The following AFAP1L2 variants were observed in gnomAD, a reference collection of about 807,000 sequenced individuals.
AFAP1L2 encodes the protein actin filament associated protein 1 like 2, also known as actin filament-associated protein 1-like 2.
Under a neutral mutation model 99.3 loss-of-function variants are expected in AFAP1L2, and 46 were observed. The observed-to-expected ratio is 0.46, with a 90% CI of 0.37 to 0.59. AFAP1L2 has a LOEUF of 0.59. Among genes scored for constraint, AFAP1L2 ranks in the 20% least tolerant of loss-of-function variants. AFAP1L2 has a pLI of 0.00. For missense variants in AFAP1L2, 959 were observed against 1,034.9 expected (o/e 0.93, Z 1.01); for synonymous variants, 397 against 419.1 (o/e 0.95, Z 0.64).
chr10:114,285,961 C>G, the AFAP1L2 span: 1 of 1,603,940 alleles, frequency 6.2e-7, no homozygotes, highest in Non-Finnish European at 8.5e-7. Context: ...GCCTGGAATG[C>G]AGGGTCGACC....
At chr10:114,333,134 G>T in intron 3 of AFAP1L2, 87 bp downstream of exon 3, 2 of 1,239,410 alleles carry the variant, frequency 1.6e-6, no homozygotes, top group Non-Finnish European at 1.2e-6. Context: ...CGGCTGGGAG[G>T]AAAGAGAGGT....
the AFAP1L2 span, among the ~76,000 whole-genome samples, chr10:114,285,460 T>C: frequency 6.6e-6 from 1 of 152,226 alleles, no homozygotes; most frequent in African/African-American, 2.4e-5. Context: ...AAGGGCTTGA[T>C]GAATAATAAC....
At chr10:114,301,145 A>ATAAG (rs1430763742) in intron 13 of AFAP1L2, among the ~76,000 whole-genome samples, 4 of 152,210 alleles carry the variant, frequency 2.6e-5, no homozygotes, top group Admixed American at 6.5e-5. Flanking sequence ...TTTCATCTAG[A>ATAAG]TAAGTCCCCA....
At chr10:114,373,864 C>T (rs912855396) in intron 1 of AFAP1L2, among the ~76,000 whole-genome samples, 6 of 152,104 alleles carry the variant, frequency 3.9e-5, no homozygotes, top group African/African-American at 7.2e-5. Flanking sequence ...CCCCTTATCC[C>T]CCAGGTAGCG....
chr10:114,321,186 TCTGAGATAGTGCA>T (rs1269892603), intron 5 of AFAP1L2, among the ~76,000 whole-genome samples: 1 of 152,156 alleles, frequency 6.6e-6, no homozygotes, highest in African/African-American at 2.4e-5. Flanking sequence ...AATGATGATT[TCTGAGATAGTGCA>T]CTGTCATTCG....
intron 1 of AFAP1L2, among the ~76,000 whole-genome samples, chr10:114,382,588 CTTTTTTTT>C (rs1554956154): frequency 2.1e-5 from 2 of 93,296 alleles, no homozygotes; most frequent in African/African-American, 8.1e-5. Flanking sequence ...TATTTCTTCT[CTTTTTTTT>C]TTTTTTTTTT....
chr10:114,355,303 G>C (rs907104776), intron 1 of AFAP1L2, among the ~76,000 whole-genome samples: 4 of 146,560 alleles, frequency 2.7e-5, no homozygotes, highest in Non-Finnish European at 4.4e-5. Flanking sequence ...TGCCCAGGCT[G>C]GAGTGCAGTG....
rs147443942 is a variant in AFAP1L2, at chr10:114,375,951, C to A, written c.16+28489G>T. ...TTCCGGCCTGGGAGACAGAGTGAGA[C>A]CCTGTCTCAAAACAAAAAATACAAA... On this transcript the variant is annotated intron_variant, in intron 1 of 18. Transcript: ENST00000304129. Among the ~76,000 whole-genome samples the A allele has an allele frequency of 6.4e-4, 97 of 152,098 alleles. 1 individual carries two copies. Among genetic ancestry groups the A allele is most frequent in the African/African-American group, 2.1e-3 (89 of 41,490 alleles).
chr10:114,284,723 G>A, the AFAP1L2 span: 20 of 766,270 alleles, frequency 2.6e-5, no homozygotes, highest in African/African-American at 2.9e-4. Flanking sequence ...CTCTGCTGCA[G>A]ATTTCCTGGT....
chr10:114,313,795 C>T lies in AFAP1L2; in HGVS notation c.792+76G>A, dbSNP rs139549028. On this transcript the variant is annotated intron_variant, in intron 7 of 18. Transcript: ENST00000304129. Reference sequence around the variant, plus strand: ...GATCACAAATCCTCTACCCCTGACCCTATCATCCATCCCTTTAGAAAAGCT... The same window carrying T: ...GATCACAAATCCTCTACCCCTGACCTTATCATCCATCCCTTTAGAAAAGCT... The T allele has an allele frequency of 6.0e-4, 859 of 1,439,366 alleles. 9 individuals are homozygous for T. In the African/African-American group the frequency reaches 0.011, roughly 18 times the overall value. 89.2% of individuals were successfully genotyped at this position (1,439,366 alleles called of 1,614,324 possible).
chr10:114,324,752 G>A (rs1307032059), intron 4 of AFAP1L2, among the ~76,000 whole-genome samples: 2 of 152,218 alleles, frequency 1.3e-5, no homozygotes, highest in Admixed American at 1.3e-4. Context: ...GAGGTTGTAG[G>A]GGGAGATGAT....
intron 1 of AFAP1L2, among the ~76,000 whole-genome samples, chr10:114,386,276 C>G (rs1052063530): frequency 1.4e-4 from 22 of 152,262 alleles, no homozygotes; most frequent in African/African-American, 2.9e-4. Context: ...TGGCATGCAT[C>G]TGTAGTCCCA....
chr10:114,322,855 C>A (rs1427762318), intron 5 of AFAP1L2, among the ~76,000 whole-genome samples: 1 of 152,226 alleles, frequency 6.6e-6, no homozygotes, highest in Non-Finnish European at 1.5e-5. Context: ...CACCTTTGTG[C>A]TGAAATCTCA....
At chr10:114,285,875 G>T in the AFAP1L2 span, 18 of 1,478,312 alleles carry the variant, frequency 1.2e-5, no homozygotes, top group Non-Finnish European at 1.6e-5. Flanking sequence ...CGGCATCTCG[G>T]GTGGGACAGC....
At chr10:114,308,090 C>T (rs1248974644) in intron 9 of AFAP1L2, among the ~76,000 whole-genome samples, 181 bp from the exon 10 acceptor site, 1 of 152,180 alleles carries the variant, frequency 6.6e-6, no homozygotes, top group Non-Finnish European at 1.5e-5. Context: ...CTGCAGGCCA[C>T]AGTCAGGTGT....
At chr10:114,323,111 A>C in intron 5 of AFAP1L2, 60 bp downstream of exon 5, 1 of 1,474,790 alleles carries the variant, frequency 6.8e-7, no homozygotes, top group Middle Eastern at 2.1e-4. Flanking sequence ...GTAAGTCTGC[A>C]CCAACATCTG....
Position 114,304,760 on chromosome 10 carries a change from A to C in AFAP1L2, c.1243T>G (p.Phe415Val). 1 of 1,612,446 alleles carries C rather than the reference A, an allele frequency of 6.2e-7. No individual in the cohort carries two copies. ...PDPSPDHLYS[F>V]RILHKGEELA... is the part of the protein sequence containing the mutation. Reference sequence around the variant, plus strand: ...TCCTCGCCCTTGTGGAGGATGCGGAAGGAGTAGAGGTGGTCGGGGCTGGGG... The same window carrying C: ...TCCTCGCCCTTGTGGAGGATGCGGACGGAGTAGAGGTGGTCGGGGCTGGGG... Residue 415 changes from phenylalanine (F) to valine (V), a missense_variant, in exon 11 of 19, where the codon TTC (phenylalanine) becomes GTC (valine). Phe to Val is a conservative substitution (Grantham distance 50, BLOSUM62 -1). Transcript: ENST00000304129.
rs147901415 is a variant in AFAP1L2 at position 114,295,477 on chromosome 10, AGATGGTTTTACAGAT to A, written c.*550_*564del. On this transcript the variant is annotated 3_prime_UTR_variant, in exon 19 of 19. Transcript: ENST00000304129. ...TATTGTTTCTCAAAACTCATGTCAT[AGATGGTTTTACAGAT>A]GATGGTTTTACAGATGATGTCAATG... 0.011 allele frequency: 10,471 copies of A among 985,506 alleles called. 378 individuals carry two copies. Among genetic ancestry groups the A allele is most frequent in the African/African-American group, 0.11 (6,076 of 57,314 alleles). 61.0% of individuals were successfully genotyped at this position (985,506 alleles called of 1,614,324 possible). A position where few individuals can be genotyped will look rare whatever the true frequency, so the allele number is the denominator to read the frequency against.
chr10:114,307,735 G>T lies in AFAP1L2; in HGVS notation c.1072+70C>A. 2.2e-6 allele frequency: 3 copies of T among 1,353,786 alleles called. No individual in the cohort carries two copies. The South Asian group carries it at 3.6e-5, about 16-fold the overall frequency. 83.9% of individuals were successfully genotyped at this position (1,353,786 alleles called of 1,614,324 possible). A position where few individuals can be genotyped will look rare whatever the true frequency, so the allele number is the denominator to read the frequency against. On this transcript the variant is annotated intron_variant, in intron 10 of 18. Coordinates refer to ENST00000304129, the MANE Select transcript of AFAP1L2 (RefSeq NM_001001936.3). ...CTAAAACCCCCTGCCTTCGCTGTCT[G>T]AGCTCGCCTTCCTGCAGGTTCCAGC...
Sources: gnomAD v4.1 joint callset for allele counts (sites outside exome capture counted in the v4.1 genomes callset) on GRCh38, gnomAD v4.1.1 for gene constraint, MANE v1.5 for transcripts, NCBI Gene and HGNC (gene_info 2026-07-23, HGNC 2026-07-21) for gene names.